Variants in USP47 observed in about 807,000 individuals in gnomAD.
USP47 encodes the protein ubiquitin specific peptidase 47, also known as ubiquitin carboxyl-terminal hydrolase 47.
In USP47, 35 loss-of-function variants were observed where a neutral mutation model predicts 165.1. That is an observed-to-expected ratio of 0.21 (90% confidence interval 0.16 to 0.28). The LOEUF (loss-of-function observed/expected upper bound fraction) is 0.28, where lower values mean the gene tolerates loss of function less well. Among genes scored for constraint, USP47 ranks in the 10% least tolerant of loss-of-function variants. USP47 has a pLI of 1.00. For missense variants in USP47, 1,277 were observed against 1,607.4 expected, an observed-to-expected ratio of 0.79 and a Z score of 3.52; for synonymous variants, 531 against 544.5, an observed-to-expected ratio of 0.98 and a Z score of 0.35.
chr11:11,911,255 G>C (rs1003064551), intron 8 of USP47, among the ~76,000 whole-genome samples: 2 of 152,134 alleles, frequency 1.3e-5, no homozygotes, highest in African/African-American at 4.8e-5. Context: ...GTTTAGCACT[G>C]TGTCATTGGA....
chr11:11,933,516 A>G (rs1854827994), intron 15 of USP47, among the ~76,000 whole-genome samples: 1 of 152,164 alleles, frequency 6.6e-6, no homozygotes, highest in Non-Finnish European at 1.5e-5. Context: ...TTACAGGGAT[A>G]TTCATTATAG....
intron 1 of USP47, among the ~76,000 whole-genome samples, chr11:11,863,800 C>G (rs551702228): frequency 1.3e-5 from 2 of 152,020 alleles, no homozygotes; most frequent in Non-Finnish European, 1.5e-5. Flanking sequence ...TTGGCCAGTG[C>G]GAGCCCTTTC....
chr11:11,939,625 A>T (rs1430066568), intron 18 of USP47, among the ~76,000 whole-genome samples: 10 of 152,002 alleles, frequency 6.6e-5, no homozygotes, highest in Non-Finnish European at 1.5e-4. Flanking sequence ...TTACATTTTT[A>T]AAATATGAAT....
chr11:11,942,101 A>G (rs1327717883), intron 19 of USP47, among the ~76,000 whole-genome samples: 2 of 152,104 alleles, frequency 1.3e-5, no homozygotes, highest in African/African-American at 4.8e-5. Context: ...GTTTGTGTGT[A>G]TGTGTATGTC....
At chr11:11,926,208 T>C (rs1854229524) in intron 11 of USP47, among the ~76,000 whole-genome samples, 1 of 152,204 alleles carries the variant, frequency 6.6e-6, no homozygotes, top group Non-Finnish European at 1.5e-5. Context: ...AGAATGAGTT[T>C]GGAAGTTTTT....
Position 11,892,139 on chromosome 11 carries a change from G to A in USP47, c.496+33G>A, listed in dbSNP as rs780841348. On this transcript the variant is annotated intron_variant, in intron 4 of 27. Transcript: ENST00000527733. Reference sequence around the variant, plus strand: ...TTGTTGTATTTTCATAAAATCATAGGGCATTAGATCCAAAGTAATCTTAGC... The same window carrying A: ...TTGTTGTATTTTCATAAAATCATAGAGCATTAGATCCAAAGTAATCTTAGC... 3.8e-6 allele frequency: 6 copies of A among 1,597,980 alleles called. No homozygotes were observed. The Admixed American group carries it at 8.6e-5, about 23-fold the overall frequency.
chr11:11,936,334 A>T lies in USP47; in HGVS notation c.1901A>T (p.Asp634Val). The T allele has an allele frequency of 6.2e-7, 1 of 1,603,060 alleles. No individual in the cohort carries two copies. The highest frequency in any genetic ancestry group is 1.7e-4 in the Middle Eastern group (1 of 5,988). ...GATTTAGAAGAGGTAATACCCCTGG[A>T]TTGCTGTCGCCTTGTTAAATATGAT... Reference protein sequence around the residue: ...MMDLEEVIPLDCCRLVKYDEF... With the variant: ...MMDLEEVIPLVCCRLVKYDEF... The change falls in exon 17 of 28, where the codon GAT (aspartate) becomes GTT (valine). Residue 634 changes from aspartate to valine, a missense_variant. Asp to Val is a radical substitution (Grantham distance 152). This residue lies in a region of USP47 where 909 missense variants were observed against 1,068.1 expected (regional missense o/e 0.85). Coordinates refer to ENST00000527733, the MANE Select transcript of USP47 (RefSeq NM_001282659.2).
At chr11:11,872,025 C>G (rs1850101994) in intron 1 of USP47, among the ~76,000 whole-genome samples, 1 of 152,192 alleles carries the variant, frequency 6.6e-6, no homozygotes, top group South Asian at 2.1e-4. Context: ...TGCTATATAA[C>G]AATCTGCCCC....
chr11:11,862,758 T>A (rs1849458047), intron 1 of USP47, among the ~76,000 whole-genome samples: 1 of 152,044 alleles, frequency 6.6e-6, no homozygotes, highest in Non-Finnish European at 1.5e-5. Flanking sequence ...GGTCTCGCCA[T>A]GTTGCCCAGG....
At position 11,903,282 on chromosome 11, in the gene USP47, A is replaced by G. The variant is rs373181958; in HGVS notation, c.759A>G (p.Val253=). Residue 253 remains valine (V), a synonymous_variant, in exon 7 of 28, where the codon GTA becomes GTG. Coordinates refer to ENST00000527733, the MANE Select transcript of USP47 (RefSeq NM_001282659.2). ...DSSEAWQQHD[V]QELCRVMFDA... ...AAACAGCTTGGCAGCAGCATGATGT[A>G]CAAGAACTATGCAGAGTCATGTTTG... 1.9e-6 allele frequency: 3 copies of G among 1,611,648 alleles called. No individual in the cohort carries two copies. Among genetic ancestry groups the G allele is most frequent in the South Asian group, 2.2e-5 (2 of 90,442 alleles).
chr11:11,943,550 C>G (rs1855629061), intron 20 of USP47: 1 of 152,176 alleles, frequency 6.6e-6, no homozygotes, highest in Admixed American at 6.6e-5. Flanking sequence ...AGTCCTTAAT[C>G]AACTGGGAAA....
chr11:11,910,801 C>G (rs1203773810), intron 8 of USP47, among the ~76,000 whole-genome samples: 2 of 152,028 alleles, frequency 1.3e-5, no homozygotes, highest in Non-Finnish European at 2.9e-5. Context: ...GGCATTTAAA[C>G]TAGAAGGTTT....
chr11:11,887,463 A>C (rs1369426184), intron 3 of USP47, among the ~76,000 whole-genome samples: 1 of 152,188 alleles, frequency 6.6e-6, no homozygotes, highest in East Asian at 1.9e-4. Flanking sequence ...ACACCAACAA[A>C]GATAAAAAAA....
intron 1 of USP47, among the ~76,000 whole-genome samples, chr11:11,848,338 T>C (rs1848539286): frequency 6.6e-6 from 1 of 152,234 alleles, no homozygotes; most frequent in African/African-American, 2.4e-5. Context: ...GGCTACAGCA[T>C]GTTACTGTAC....
chr11:11,947,296 A>G (rs1395748868), intron 20 of USP47, among the ~76,000 whole-genome samples: 4 of 152,230 alleles, frequency 2.6e-5, no homozygotes, highest in Non-Finnish European at 4.4e-5. Flanking sequence ...GGGAAGAGGT[A>G]AGAGTTTCTG....
At chr11:11,889,385 G>A (rs1851369123) in intron 3 of USP47, among the ~76,000 whole-genome samples, 1 of 152,114 alleles carries the variant, frequency 6.6e-6, no homozygotes, top group South Asian at 2.1e-4. Flanking sequence ...AATTCAGTGT[G>A]CAGAAATTGC....
rs770159860 is a variant in USP47, at chr11:11,922,711, A to T, written c.1219-13A>T. On this transcript the variant is annotated splice_polypyrimidine_tract_variant and intron_variant, in intron 10 of 27. Coordinates refer to ENST00000527733, the MANE Select transcript of USP47 (RefSeq NM_001282659.2). ...TATATGGTTTATAACTAAGATAATTATGTCTTATTAAGAAATCTCCTCAGA... is the reference window on the plus strand; with the variant it reads ...TATATGGTTTATAACTAAGATAATTTTGTCTTATTAAGAAATCTCCTCAGA... The T allele has an allele frequency of 3.7e-6, 6 of 1,602,994 alleles. No individual in the cohort carries two copies. The South Asian group carries it at 4.5e-5, about 12-fold the overall frequency.
At chr11:11,848,865 T>C (rs1848574880) in intron 1 of USP47, among the ~76,000 whole-genome samples, 1 of 152,200 alleles carries the variant, frequency 6.6e-6, no homozygotes, top group African/African-American at 2.4e-5. Context: ...TGCCTCGGCC[T>C]CCCAAAGTGC....
rs1245359803 is a variant in USP47 at position 11,942,376 on chromosome 11, C to T, written c.2355C>T (p.Ala785=). Residue 785 remains alanine, a synonymous_variant, in exon 20 of 28, where the codon GCC becomes GCT. Coordinates refer to ENST00000527733, the MANE Select transcript of USP47 (RefSeq NM_001282659.2). ...ESSETLDYQM[A]FADSHLWKLL... is the part of the protein sequence containing the mutation. The stretch of plus-strand genomic sequence containing the variant: ...CCGAGACTTTGGATTACCAGATGGC[C>T]TTTGCAGACTCTCATTTATGGAAAC... 1 of 1,612,238 alleles carries T rather than the reference C, an allele frequency of 6.2e-7. No homozygotes were observed. The highest frequency in any genetic ancestry group is 8.5e-7 in the Non-Finnish European group (1 of 1,179,142).
Sources: gnomAD v4.1 joint callset for allele counts (sites outside exome capture counted in the v4.1 genomes callset) on GRCh38, gnomAD v4.1.1 for gene constraint, gnomAD v4.1.1 regional missense constraint, MANE v1.5 for transcripts, NCBI Gene and HGNC (gene_info 2026-07-23, HGNC 2026-07-21) for gene names.